The following NADK variants were observed in gnomAD, a reference collection of about 807,000 sequenced individuals.
NADK encodes NAD kinase.
Under a neutral mutation model 49.8 loss-of-function variants are expected in NADK, and 22 were observed. That is an observed-to-expected ratio of 0.44 (90% confidence interval 0.32 to 0.63). The LOEUF (loss-of-function observed/expected upper bound fraction) is 0.63. Among genes scored for constraint, NADK ranks in the 30% least tolerant of loss-of-function variants. The pLI, the probability that NADK is intolerant of heterozygous loss-of-function variation, is 0.06. For synonymous variants in NADK, 268 were observed against 253.7 expected (o/e 1.06, Z -0.54); for missense variants, 438 against 609.4 (o/e 0.72, Z 2.96).
chr1:1,763,794 C>T (rs957699155), intron 2 of NADK, among the ~76,000 whole-genome samples: 4 of 152,114 alleles, frequency 2.6e-5, no homozygotes, highest in Admixed American at 2.0e-4. Flanking sequence ...TCCTCCCCCA[C>T]CTCACCCTGA....
chr1:1,765,023 C>T (rs901650731), intron 2 of NADK, among the ~76,000 whole-genome samples: 4 of 152,246 alleles, frequency 2.6e-5, no homozygotes, highest in Non-Finnish European at 4.4e-5. Context: ...TGTGCCTGTG[C>T]TGGCACCTGG....
At chr1:1,759,222 C>G in intron 3 of NADK, 1 of 1,575,916 alleles carries the variant, frequency 6.3e-7, no homozygotes, top group Non-Finnish European at 8.6e-7. Flanking sequence ...CAAACCAGCG[C>G]CTCGACCTCT....
chr1:1,755,019 ACCGTGTTGGCCAGGATGGTCTCAT>A (rs1451246506), intron 7 of NADK: 1 of 387,940 alleles, frequency 2.6e-6, no homozygotes. Flanking sequence ...ACGGGGTTTC[ACCGTGTTGGCCAGGATGGTCTCAT>A]CTCTTGACCT....
chr1:1,754,610 C>G lies in NADK; in HGVS notation c.777G>C (p.Leu259=). Reference sequence around the variant, plus strand: ...CTGCAGCCTGCGAGCCGTTCTCACCCAGCCCATTGTGCACGGCCGTCTTCT... The same window carrying G: ...CTGCAGCCTGCGAGCCGTTCTCACCGAGCCCATTGTGCACGGCCGTCTTCT... ...RGKKTAVHNG[L]GENGSQAAGL... The change falls in exon 8 of 12, where the codon CTG becomes CTC. Residue 259 remains leucine (L), a synonymous_variant. Transcript: ENST00000341426. This position sits in a 1 kb window ranked among gnomAD's most constrained non-coding sequence, Gnocchi z 4.3. 1 of 1,614,010 alleles carries G rather than the reference C, an allele frequency of 6.2e-7. No individual in the cohort carries two copies.
chr1:1,753,020 A>T lies in NADK; in HGVS notation c.1225T>A (p.Cys409Ser). The change falls in exon 12 of 12, where the codon TGT (cysteine) becomes AGT (serine). Residue 409 changes from cysteine (C) to serine (S), a missense_variant. Physicochemically the swap from Cys to Ser is moderately radical, Grantham distance 112. Transcript: ENST00000341426. ...TTSCYPLPSI[C>S]VRDPVSDWFE... ...CAGTCGCTCACGGGGTCCCGCACAC[A>T]GATGGAGGGGAGCGGGTAGCATGAG... The T allele has an allele frequency of 6.2e-7, 1 of 1,610,902 alleles. No individual in the cohort carries two copies. Among genetic ancestry groups the T allele is most frequent in the Middle Eastern group, 1.7e-4 (1 of 6,060 alleles).
intron 4 of NADK, chr1:1,756,975 T>C (rs1645545678): frequency 1.1e-6 from 1 of 896,496 alleles, no homozygotes; most frequent in African/African-American, 1.6e-5. Context: ...CACCAGCTCA[T>C]TGTTGGTCAC....
At chr1:1,756,752 C>G in intron 4 of NADK, 144 bp from the exon 5 acceptor site, 1 of 1,436,390 alleles carries the variant, frequency 7.0e-7, no homozygotes, top group African/African-American at 1.4e-5. Context: ...GAAACTTCAT[C>G]ACCAACGCGC....
intron 2 of NADK, 84 bp from the exon 3 acceptor site, chr1:1,762,119 G>T (rs745747757): frequency 1.7e-6 from 2 of 1,168,432 alleles, no homozygotes; most frequent in African/African-American, 1.5e-5. Context: ...GAGGTTACAC[G>T]GTAAGGCATA....
chr1:1,762,042 G>C lies in NADK; in HGVS notation c.180-7C>G, dbSNP rs369276625. 1 of 1,613,654 alleles carries C rather than the reference G, an allele frequency of 6.2e-7. No individual in the cohort carries two copies. The highest frequency in any genetic ancestry group is 8.5e-7 in the Non-Finnish European group (1 of 1,179,794). On this transcript the variant is annotated splice_region_variant and splice_polypyrimidine_tract_variant and intron_variant, in intron 2 of 11. Coordinates refer to ENST00000341426, the MANE Select transcript of NADK (RefSeq NM_023018.5). ...ATGAAGAGAGCGTGTCCTCCTGTGG[G>C]GAGAGGGCAGTGTCAGAGCCACCAG...
chr1:1,756,682 G>C, intron 4 of NADK, 74 bp from the exon 5 acceptor site: 12 of 1,605,092 alleles, frequency 7.5e-6, no homozygotes, highest in African/African-American at 1.3e-5. Flanking sequence ...CCGACTCACG[G>C]GCGCTGTGGT....
At chr1:1,773,631 TA>T (rs1178610150) in intron 1 of NADK, among the ~76,000 whole-genome samples, 2 of 149,804 alleles carry the variant, frequency 1.3e-5, no homozygotes, top group Admixed American at 6.7e-5. Context: ...CACAAAATGT[TA>T]AAAAAAATGT....
rs1171861489 is a variant in NADK, at chr1:1,752,264, A to G, written c.*640T>C. On this transcript the variant is annotated 3_prime_UTR_variant, in exon 12 of 12. Coordinates refer to ENST00000341426, the MANE Select transcript of NADK (RefSeq NM_023018.5). The stretch of plus-strand genomic sequence containing the variant: ...TCCTGGGAGCAGAAGCTACGTGAGG[A>G]ATGTGTGGGTCGCTGGCGATGCCAG... 6.6e-6 allele frequency: 1 copy of G among 152,606 alleles called. No homozygotes were observed. Among genetic ancestry groups the G allele is most frequent in the Non-Finnish European group, 1.5e-5 (1 of 68,056 alleles). The allele number at this position is 152,606 out of a possible 1,614,324, so 9.5% of individuals were successfully genotyped here.
chr1:1,773,143 A>T (rs975669383), intron 1 of NADK, among the ~76,000 whole-genome samples: 92 of 147,876 alleles, frequency 6.2e-4, no homozygotes, highest in Middle Eastern at 3.5e-3. Context: ...GTCTATGATT[A>T]TTTTTTTTTT....
rs189805137 is a variant in NADK, at chr1:1,775,040, C to A, written c.-41+3249G>T. ...AGGAGAATCGCTTGAACCCAGGCGG[C>A]AGAGGTTGCAGTGAGCTGAGATCAC... On this transcript the variant is annotated intron_variant, in intron 1 of 11. Transcript: ENST00000341426. Among the ~76,000 whole-genome samples the A allele has an allele frequency of 3.6e-3, 548 of 151,954 alleles. 5 individuals carry two copies. Among genetic ancestry groups the A allele is most frequent in the African/African-American group, 0.012 (511 of 41,450 alleles).
intron 1 of NADK, among the ~76,000 whole-genome samples, chr1:1,771,053 A>ATAT (rs1465403422): frequency 1.7e-4 from 24 of 142,204 alleles, no homozygotes; most frequent in African/African-American, 3.4e-4. Flanking sequence ...AAAAAAAAAA[A>ATAT]AAATATATAT....
chr1:1,753,458 G>T (rs768196980), intron 11 of NADK, 109 bp downstream of exon 11: 2 of 851,628 alleles, frequency 2.3e-6, no homozygotes, highest in Non-Finnish European at 3.7e-6. Flanking sequence ...AGGCCCTGTG[G>T]TGCCCTAGGG....
At chr1:1,764,101 A>C (rs1343319175) in intron 2 of NADK, among the ~76,000 whole-genome samples, 1 of 152,168 alleles carries the variant, frequency 6.6e-6, no homozygotes, top group Non-Finnish European at 1.5e-5. Flanking sequence ...GCGACTCTGT[A>C]GACAGAAAAC....
rs1002826765 is a variant in NADK at position 1,759,377 on chromosome 1, A to T, written c.264-2067T>A. On this transcript the variant is annotated intron_variant, in intron 3 of 11. Transcript: ENST00000341426. Reference sequence around the variant, plus strand: ...ACGGAGAGGGCAGGGGGTGGCGTGAAGCCAGCATGGCCACAGCCTGGCCCG... The same window carrying T: ...ACGGAGAGGGCAGGGGGTGGCGTGATGCCAGCATGGCCACAGCCTGGCCCG... 2.5e-5 allele frequency: 33 copies of T among 1,301,684 alleles called. No individual in the cohort carries two copies. In the African/African-American group the frequency reaches 4.3e-4, roughly 17 times the overall value. The allele number at this position is 1,301,684 out of a possible 1,614,324, so 80.6% of individuals were successfully genotyped here.
chr1:1,769,326 C>A (rs1423110471), intron 1 of NADK, among the ~76,000 whole-genome samples: 1 of 152,214 alleles, frequency 6.6e-6, no homozygotes, highest in Non-Finnish European at 1.5e-5. Context: ...GCGGGCAGAT[C>A]ACCTGAGGTC....
Sources: allele counts gnomAD v4.1 joint callset (sites outside exome capture counted in the v4.1 genomes callset), GRCh38; gene constraint gnomAD v4.1.1; non-coding constraint Gnocchi (gnomAD v3.1); transcripts MANE v1.5; gene names NCBI Gene and HGNC (gene_info 2026-07-23, HGNC 2026-07-21).